NPR3: variants seen among roughly 807,000 people sequenced by gnomAD.
The protein encoded by NPR3 is atrial natriuretic peptide receptor 3.
In NPR3, 34 loss-of-function variants were observed where a neutral mutation model predicts 54.5. That is an observed-to-expected ratio of 0.62 (90% CI 0.47 to 0.83). The LOEUF (loss-of-function observed/expected upper bound fraction) is 0.83, where lower values mean the gene tolerates loss of function less well. NPR3 is among the 40% of genes least tolerant of loss of function. NPR3 has a pLI of 0.00. For missense variants in NPR3, 674 were observed against 720.8 expected (o/e 0.94, Z 0.74); for synonymous variants, 289 against 297.1 (o/e 0.97, Z 0.28).
chr5:32,727,750 A>G (rs1009974098), intron 2 of NPR3, among the ~76,000 whole-genome samples: 25 of 152,120 alleles, frequency 1.6e-4, no homozygotes, highest in Admixed American at 1.5e-3. Context: ...TACTTATTAA[A>G]TCCTCTGCTC....
At chr5:32,734,366 A>G (rs936431418) in intron 2 of NPR3, among the ~76,000 whole-genome samples, 3 of 152,186 alleles carry the variant, frequency 2.0e-5, no homozygotes, top group Non-Finnish European at 4.4e-5. Flanking sequence ...AAAATTTACT[A>G]TGTGCTAGGT....
intron 1 of NPR3, among the ~76,000 whole-genome samples, chr5:32,702,140 T>C (rs955951367): frequency 2.4e-4 from 37 of 152,126 alleles, no homozygotes; most frequent in African/African-American, 8.9e-4. Context: ...TGCCCCTGGG[T>C]AGGTTCAGAG....
At chr5:32,715,096 T>TC (rs1738478885) in intron 1 of NPR3, among the ~76,000 whole-genome samples, 1 of 152,200 alleles carries the variant, frequency 6.6e-6, no homozygotes, top group Non-Finnish European at 1.5e-5. Context: ...ACCCCAAGGG[T>TC]GAGGCCATGC....
intron 1 of NPR3, among the ~76,000 whole-genome samples, chr5:32,723,180 C>T (rs1040205664): frequency 2.0e-5 from 3 of 152,162 alleles, no homozygotes; most frequent in Admixed American, 1.3e-4. Flanking sequence ...CGTGATAATG[C>T]GGTTTATAGC....
Position 32,711,501 on chromosome 5 carries a change from G to T in NPR3, c.-276G>T, listed in dbSNP as rs1738220284. 6.1e-6 allele frequency: 7 copies of T among 1,145,378 alleles called. No individual in the cohort carries two copies. The highest frequency in any genetic ancestry group is 5.4e-6 in the Non-Finnish European group (5 of 928,760). 71.0% of individuals were successfully genotyped at this position (1,145,378 alleles called of 1,614,324 possible). On this transcript the variant is annotated 5_prime_UTR_variant, in exon 1 of 8. Transcript: ENST00000265074. ...ATAAACGGAGGGCGAATATATACAA[G>T]TATATATATATGTATATTACAGACG...
intron 3 of NPR3, among the ~76,000 whole-genome samples, chr5:32,744,185 G>T (rs2111963676): frequency 6.6e-6 from 1 of 152,050 alleles, no homozygotes; most frequent in South Asian, 2.1e-4. Flanking sequence ...TAGAGATGGG[G>T]TTTCACTATG....
intron 3 of NPR3, among the ~76,000 whole-genome samples, chr5:32,769,775 A>G (rs895689246): frequency 6.6e-6 from 1 of 152,124 alleles, no homozygotes; most frequent in Non-Finnish European, 1.5e-5. Flanking sequence ...TTATCCAGCA[A>G]CCCCAAGAGC....
At chr5:32,703,024 A>AT (rs1197659638) in intron 1 of NPR3, among the ~76,000 whole-genome samples, 1 of 152,016 alleles carries the variant, frequency 6.6e-6, no homozygotes, top group Non-Finnish European at 1.5e-5. Flanking sequence ...GATGGTGAGC[A>AT]TTTTTTCAGC....
chr5:32,716,281 C>A, intron 1 of NPR3: 1 of 359,316 alleles, frequency 2.8e-6, no homozygotes. Flanking sequence ...GAAAAAGGTT[C>A]CTGTCTCCTA....
Position 32,778,816 on chromosome 5 carries a change from G to C in NPR3, c.1196-1906G>C, listed in dbSNP as rs1234230668. 5.3e-5 allele frequency among the ~76,000 whole-genome samples: 8 copies of C among 152,140 alleles called. 1 individual carries two copies. Among genetic ancestry groups the C allele is most frequent in the Admixed American group, 3.3e-4 (5 of 15,272 alleles). On this transcript the variant is annotated intron_variant, in intron 4 of 7. Transcript: ENST00000265074. ...GGTATAATGAGGTCTTAAATTACTA[G>C]GGCCACCTCATCTTATAAAATACTC...
At chr5:32,764,599 C>T (rs888988958) in intron 3 of NPR3, among the ~76,000 whole-genome samples, 5 of 151,586 alleles carry the variant, frequency 3.3e-5, no homozygotes, top group Non-Finnish European at 7.4e-5. Flanking sequence ...ATTAGCCTGG[C>T]CAACATCGTG....
At chr5:32,691,320 A>G (rs1293795198) in intron 1 of NPR3, among the ~76,000 whole-genome samples, 1 of 152,148 alleles carries the variant, frequency 6.6e-6, no homozygotes. Context: ...CTATGCATCA[A>G]TTTCTTCTAC....
chr5:32,757,164 G>C (rs1200029140), intron 3 of NPR3, among the ~76,000 whole-genome samples: 1 of 152,140 alleles, frequency 6.6e-6, no homozygotes, highest in African/African-American at 2.4e-5. Context: ...GCTTGATGGG[G>C]AAGGCATTGA....
intron 3 of NPR3, among the ~76,000 whole-genome samples, chr5:32,762,322 C>T (rs888156795): frequency 2.6e-5 from 4 of 151,606 alleles, no homozygotes; most frequent in Non-Finnish European, 5.9e-5. Context: ...AGTGGGATTG[C>T]TAGGTCAAAT....
chr5:32,735,567 T>C (rs1561096277), intron 2 of NPR3, among the ~76,000 whole-genome samples: 1 of 151,844 alleles, frequency 6.6e-6, no homozygotes, highest in Non-Finnish European at 1.5e-5. Flanking sequence ...ACTTCCCACA[T>C]ATAACCTTCC....
In NPR3 at chr5:32,760,869, T is replaced by A. The variant is rs1423546596; in HGVS notation, c.1060-13839T>A. Among the ~76,000 whole-genome samples, 4 of 152,274 alleles carry A rather than the reference T, an allele frequency of 2.6e-5. No homozygotes were observed. In the South Asian group the frequency reaches 6.2e-4, roughly 24 times the overall value. ...TTTTGTATTTGCTGTGAGGTAGGAA[T>A]CAAGTTTTAGTTTTTTCCCATCTTT... On this transcript the variant is annotated intron_variant, in intron 3 of 7. Coordinates refer to ENST00000265074, the MANE Select transcript of NPR3 (RefSeq NM_001204375.2).
At chr5:32,732,008 A>G (rs10075266) in intron 2 of NPR3, among the ~76,000 whole-genome samples, 29,472 of 151,634 alleles carry the variant, frequency 0.19, 2,931 homozygotes, top group South Asian at 0.26. Flanking sequence ...TTGGGAGGCC[A>G]AGGCGGGTGG....
At chr5:32,690,969 T>A (rs944969105) in intron 1 of NPR3, among the ~76,000 whole-genome samples, 1 of 152,212 alleles carries the variant, frequency 6.6e-6, no homozygotes, top group African/African-American at 2.4e-5. Context: ...TTGCTCCAGA[T>A]AAACTGCCAG....
At chr5:32,739,933 T>C (rs1272829143) in intron 3 of NPR3, among the ~76,000 whole-genome samples, 1 of 152,118 alleles carries the variant, frequency 6.6e-6, no homozygotes, top group Non-Finnish European at 1.5e-5. Context: ...CAGGTTGGAG[T>C]GCAGTGGCGC....
Sources: allele counts gnomAD v4.1 joint callset (sites outside exome capture counted in the v4.1 genomes callset), GRCh38; gene constraint gnomAD v4.1.1; transcripts MANE v1.5; gene names NCBI Gene and HGNC (gene_info 2026-07-23, HGNC 2026-07-21).